The following PHACTR3 variants were observed in gnomAD, a reference collection of about 807,000 sequenced individuals.
PHACTR3 encodes the protein phosphatase and actin regulator 3, also known as protein phosphatase 1, regulatory subunit 123.
Under a neutral mutation model 66.8 loss-of-function variants are expected in PHACTR3, and 16 were observed. The ratio of observed to expected loss-of-function variants is 0.24; its 90% confidence interval spans 0.16 to 0.36. The LOEUF (loss-of-function observed/expected upper bound fraction) is 0.36. Ranked by LOEUF, PHACTR3 falls within the 10% of genes least tolerant of loss-of-function variation. The probability of loss-of-function intolerance (pLI) is 1.00; values close to 1 mark genes in which losing one functional copy is unlikely to be tolerated. For missense variants in PHACTR3, 647 were observed against 719.9 expected (o/e 0.90, Z 1.16); for synonymous variants, 323 against 292.1 (o/e 1.11, Z -1.08).
At chr20:59,845,328 T>G in intron 12 of PHACTR3, 63 bp downstream of exon 12, 4 of 998,986 alleles carry the variant, frequency 4.0e-6, no homozygotes, top group Non-Finnish European at 6.1e-6. Context: ...CCTTCCCCCG[T>G]CCCCCGCCAC....
intron 1 of PHACTR3, among the ~76,000 whole-genome samples, chr20:59,624,439 A>G (rs564010101): frequency 6.6e-6 from 1 of 152,272 alleles, no homozygotes; most frequent in East Asian, 1.9e-4. Context: ...CGCATCTGCC[A>G]TGAAGCCAGT....
At chr20:59,605,205 C>G in intron 1 of PHACTR3, 73 bp downstream of exon 1, 1 of 1,058,964 alleles carries the variant, frequency 9.4e-7, no homozygotes, top group South Asian at 3.4e-5. Flanking sequence ...CAGGACCCCG[C>G]GAGGCTCCGC....
In PHACTR3 at chr20:59,659,168, A is replaced by G. The variant is rs1044547975; in HGVS notation, c.118+54036A>G. Among the ~76,000 whole-genome samples, 4 of 152,238 alleles carry G rather than the reference A, an allele frequency of 2.6e-5. No homozygotes were observed. In the East Asian group the frequency reaches 5.8e-4, roughly 22 times the overall value. ...ATTTCAAAGTTGTGTGATAATTTCA[A>G]TAGCTGGGCTATTTATGAATCTTCT... is the stretch of plus-strand genomic sequence containing the variant. On this transcript the variant is annotated intron_variant, in intron 1 of 12. Transcript: ENST00000371015.
chr20:59,636,700 A>G lies in PHACTR3; in HGVS notation c.118+31568A>G, dbSNP rs531010466. On this transcript the variant is annotated intron_variant, in intron 1 of 12. Coordinates refer to ENST00000371015, the MANE Select transcript of PHACTR3 (RefSeq NM_080672.5). ...GTTGTAAATAGAAATGGAGATGTGT[A>G]TGAAGGCCCTGGCATAATTCCTATA... is the stretch of plus-strand genomic sequence containing the variant. 1.4e-4 allele frequency among the ~76,000 whole-genome samples: 22 copies of G among 152,338 alleles called. No homozygotes were observed. The South Asian group carries it at 4.6e-3, about 32-fold the overall frequency.
intron 1 of PHACTR3, among the ~76,000 whole-genome samples, chr20:59,636,285 A>G (rs753102271): frequency 2.0e-5 from 3 of 152,218 alleles, no homozygotes; most frequent in Non-Finnish European, 4.4e-5. Flanking sequence ...CAGGTCGCAG[A>G]TAGCAGACTT....
At chr20:59,797,940 G>A (rs774113844) in intron 7 of PHACTR3, among the ~76,000 whole-genome samples, 4 of 151,182 alleles carry the variant, frequency 2.6e-5, no homozygotes, top group Non-Finnish European at 4.4e-5. Context: ...TTCTTTTCTT[G>A]GAATATTTTC....
intron 1 of PHACTR3, among the ~76,000 whole-genome samples, chr20:59,655,994 G>A (rs2035609493): frequency 6.6e-6 from 1 of 151,688 alleles, no homozygotes; most frequent in Non-Finnish European, 1.5e-5. Context: ...TCATTCCATT[G>A]TGGTCAGAAA....
intron 1 of PHACTR3, among the ~76,000 whole-genome samples, chr20:59,582,229 GC>G (rs1313137099): frequency 6.6e-6 from 1 of 152,192 alleles, no homozygotes; most frequent in Non-Finnish European, 1.5e-5. Flanking sequence ...GCATCACACA[GC>G]ACTTCTCGCT....
At chr20:59,595,072 A>G (rs992874224) in intron 1 of PHACTR3, among the ~76,000 whole-genome samples, 1 of 152,204 alleles carries the variant, frequency 6.6e-6, no homozygotes, top group African/African-American at 2.4e-5. Flanking sequence ...GTGTTATTCA[A>G]TCTCCACATT....
chr20:59,773,072 C>T (rs978061911), intron 5 of PHACTR3, among the ~76,000 whole-genome samples: 12 of 152,100 alleles, frequency 7.9e-5, no homozygotes, highest in African/African-American at 2.9e-4. Flanking sequence ...CAGGGTTTGC[C>T]CTACAGATGG....
At position 59,767,334 on chromosome 20, in the gene PHACTR3, C is replaced by G. The variant is rs201118563; in HGVS notation, c.690C>G (p.Ser230Arg). Residue 230 changes from serine to arginine, a missense_variant, in exon 5 of 13, where the codon AGC (serine) becomes AGG (arginine). Around this residue, in one of 2 missense-constraint regions of PHACTR3, gnomAD observed 577 missense variants for 571.1 expected, o/e 1.01. Transcript: ENST00000371015. ...PLERSVGQLPSPPLLPTPPPK... is the reference protein window; with the variant it reads ...PLERSVGQLPRPPLLPTPPPK... ...AGAGATCCGTGGGCCAGCTCCCCAG[C>G]CCCCCACTGCTGCCCACTCCGCCAC... 12 of 1,614,010 alleles carry G rather than the reference C, an allele frequency of 7.4e-6. No individual in the cohort carries two copies. The highest frequency in any genetic ancestry group is 1.0e-5 in the Non-Finnish European group (12 of 1,180,040).
chr20:59,803,190 G>A (rs2041468322), intron 7 of PHACTR3, among the ~76,000 whole-genome samples: 1 of 152,216 alleles, frequency 6.6e-6, no homozygotes, highest in South Asian at 2.1e-4. Context: ...GACTACTGCA[G>A]AGTTGAAGAA....
intron 1 of PHACTR3, among the ~76,000 whole-genome samples, chr20:59,693,564 T>G (rs572354903): frequency 1.3e-5 from 2 of 152,330 alleles, no homozygotes; most frequent in South Asian, 4.1e-4. Context: ...ACCAGCCCTG[T>G]CTGTAGCTTC....
intron 1 of PHACTR3, among the ~76,000 whole-genome samples, chr20:59,732,853 C>T (rs1036790753): frequency 1.3e-5 from 2 of 152,088 alleles, no homozygotes; most frequent in African/African-American, 2.4e-5. Flanking sequence ...GAGGAGGAAG[C>T]GGACCCTAAG....
chr20:59,594,920 C>A (rs6026981), intron 1 of PHACTR3, among the ~76,000 whole-genome samples: 75,609 of 151,916 alleles, frequency 0.5, 18,858 homozygotes, highest in East Asian at 0.53. Context: ...TAGGATATAC[C>A]TTCAGTGTTA....
At chr20:59,652,185 G>T (rs1379634938) in intron 1 of PHACTR3, among the ~76,000 whole-genome samples, 2 of 152,124 alleles carry the variant, frequency 1.3e-5, no homozygotes, top group Admixed American at 6.5e-5. Flanking sequence ...CCTCTATCAG[G>T]TCGGATGTTG....
rs373784561 is a variant in PHACTR3, at chr20:59,827,813, C to T, written c.1329-8692C>T. 1.1e-4 allele frequency among the ~76,000 whole-genome samples: 17 copies of T among 152,290 alleles called. No individual in the cohort carries two copies. In the East Asian group the frequency reaches 3.3e-3, roughly 30 times the overall value. ...CAAGAGGCATGGGACACCTTCCCGACATCAGAAGCCCCCCACTGCACCAAG... is the reference window on the plus strand; with the variant it reads ...CAAGAGGCATGGGACACCTTCCCGATATCAGAAGCCCCCCACTGCACCAAG... On this transcript the variant is annotated intron_variant, in intron 8 of 12. Transcript: ENST00000371015.
At chr20:59,831,573 C>T (rs1214140298) in intron 8 of PHACTR3, among the ~76,000 whole-genome samples, 3 of 152,196 alleles carry the variant, frequency 2.0e-5, no homozygotes, top group Non-Finnish European at 4.4e-5. Flanking sequence ...CAAGCAGCTG[C>T]AGAGGGTGGG....
chr20:59,776,222 T>C (rs1452396492), intron 7 of PHACTR3, among the ~76,000 whole-genome samples: 1 of 151,474 alleles, frequency 6.6e-6, no homozygotes, highest in Non-Finnish European at 1.5e-5. Flanking sequence ...TCTAAGGTTG[T>C]GACAAGAAAG....
Sources: allele counts gnomAD v4.1 joint callset (sites outside exome capture counted in the v4.1 genomes callset), GRCh38; gene constraint gnomAD v4.1.1; regional missense constraint gnomAD v4.1.1; transcripts MANE v1.5; gene names NCBI Gene and HGNC (gene_info 2026-07-23, HGNC 2026-07-21).